PDZRN4: variants seen among roughly 807,000 people sequenced by gnomAD.
PDZRN4 encodes the protein PDZ domain-containing RING finger protein 4.
A neutral mutation model predicts 99.0 loss-of-function variants in PDZRN4; 70 were observed. That is an observed-to-expected ratio of 0.71 (90% CI 0.58 to 0.86). The LOEUF is 0.86. Ranked by LOEUF, PDZRN4 falls within the 40% of genes least tolerant of loss-of-function variation. The pLI is 0.00. For missense variants in PDZRN4, 1,474 were observed against 1,331.2 expected (o/e 1.11, Z -1.67); for synonymous variants, 551 against 501.6 (o/e 1.10, Z -1.32).
At chr12:41,515,508 T>G (rs907921726) in intron 5 of PDZRN4, among the ~76,000 whole-genome samples, 1 of 152,028 alleles carries the variant, frequency 6.6e-6, no homozygotes, top group African/African-American at 2.4e-5. Context: ...GGATGAAGTG[T>G]GAAAATTTTT....
At chr12:41,345,744 C>A (rs1379996601) in intron 3 of PDZRN4, among the ~76,000 whole-genome samples, 1 of 152,008 alleles carries the variant, frequency 6.6e-6, no homozygotes, top group Admixed American at 6.6e-5. Flanking sequence ...CCTCTTGCCC[C>A]CAATTTTTGT....
chr12:41,206,207 A>G (rs1950849588), intron 3 of PDZRN4, among the ~76,000 whole-genome samples: 1 of 152,026 alleles, frequency 6.6e-6, no homozygotes, highest in African/African-American at 2.4e-5. Flanking sequence ...ATTTACGGGT[A>G]CATTTGCAGG....
chr12:41,573,103 C>G lies in PDZRN4; in HGVS notation c.2324C>G (p.Thr775Arg), dbSNP rs200949649. Residue 775 changes from threonine (T) to arginine (R), a missense_variant, in exon 10 of 10, where the codon ACA becomes AGA. Coordinates refer to ENST00000402685, the MANE Select transcript of PDZRN4 (RefSeq NM_001164595.2). ...NLTNKKNLRSTMAATQSSSGQ... is the reference protein window; with the variant it reads ...NLTNKKNLRSRMAATQSSSGQ... ...ACCAATAAGAAAAACCTGAGAAGCA[C>G]AATGGCAGCCACCCAGTCCTCTTCC... The G allele has an allele frequency of 2.0e-5, 32 of 1,614,138 alleles. No homozygotes were observed. Among genetic ancestry groups the G allele is most frequent in the Non-Finnish European group, 1.2e-5 (14 of 1,180,008 alleles).
intron 3 of PDZRN4, among the ~76,000 whole-genome samples, chr12:41,200,613 C>A (rs75058768): frequency 3.3e-5 from 5 of 152,080 alleles, no homozygotes; most frequent in Admixed American, 2.6e-4. Context: ...CAGTGTGGTT[C>A]CCATTCTCCT....
Position 41,378,520 on chromosome 12 carries a change from A to ATTTTTTTTTTTTTTTTTTTTTTTT in PDZRN4, c.844-127917_844-127916insTTTTTTTTTTTTTTTTTTTTTTTT, listed in dbSNP as rs71081733. ...TTTGGAAGTGCTCCTTCTGTCTTCAATTTTTTTTTTTTTTTTTTTGAGACA... is the reference window on the plus strand; with the variant it reads ...TTTGGAAGTGCTCCTTCTGTCTTCAATTTTTTTTTTTTTTTTTTTTTTTTTTTTTTTTTTTTTTTTTTTGAGACA... On this transcript the variant is annotated intron_variant, in intron 3 of 9. Transcript: ENST00000402685. 3.9e-5 allele frequency among the ~76,000 whole-genome samples: 4 copies of ATTTTTTTTTTTTTTTTTTTTTTTT among 102,862 alleles called. 1 individual carries two copies. The highest frequency in any genetic ancestry group is 7.5e-5 in the African/African-American group (2 of 26,748). The allele number at this position is 102,862 out of a possible 152,430, so 67.5% of individuals were successfully genotyped here.
intron 3 of PDZRN4, among the ~76,000 whole-genome samples, chr12:41,312,460 C>G (rs901342628): frequency 2.0e-5 from 3 of 152,084 alleles, no homozygotes; most frequent in Admixed American, 6.6e-5. Context: ...GGGCGTGTGG[C>G]CTTCTGTATT....
At chr12:41,552,533 T>G in intron 5 of PDZRN4, 123 bp from the exon 6 acceptor site, 1 of 610,996 alleles carries the variant, frequency 1.6e-6, no homozygotes, top group Non-Finnish European at 2.7e-6. Context: ...AAAGTTAATT[T>G]CCAATGTTGG....
rs1318575956 is a variant in PDZRN4 at position 41,264,357 on chromosome 12, T to C, written c.843+70169T>C. Among the ~76,000 whole-genome samples, 13 of 152,312 alleles carry C rather than the reference T, an allele frequency of 8.5e-5. No individual in the cohort carries two copies. In the East Asian group the frequency reaches 2.5e-3, roughly 29 times the overall value. On this transcript the variant is annotated intron_variant, in intron 3 of 9. Transcript: ENST00000402685. ...AGCATCATACCAATAGTAGTTAGAA[T>C]TGAACTTAGTCATAGCTCTTGGAAA...
intron 6 of PDZRN4, among the ~76,000 whole-genome samples, chr12:41,553,520 G>C (rs1286037131): frequency 3.7e-5 from 4 of 107,224 alleles, no homozygotes; most frequent in Non-Finnish European, 7.3e-5. Context: ...GTTTGACTCT[G>C]TCTCTACAAA....
At chr12:41,541,155 C>T (rs989581884) in intron 5 of PDZRN4, among the ~76,000 whole-genome samples, 2 of 151,972 alleles carry the variant, frequency 1.3e-5, no homozygotes, top group Non-Finnish European at 1.5e-5. Context: ...TGGTCTTGAT[C>T]TCCTGACCTC....
intron 3 of PDZRN4, among the ~76,000 whole-genome samples, chr12:41,264,391 C>T (rs76316962): frequency 0.014 from 2,181 of 152,192 alleles, 22 homozygotes; most frequent in Middle Eastern, 0.034. Flanking sequence ...AATTTGTTAT[C>T]ACCTTTGAAA....
intron 3 of PDZRN4, among the ~76,000 whole-genome samples, chr12:41,420,903 T>A (rs1196711142): frequency 6.6e-6 from 1 of 152,146 alleles, no homozygotes; most frequent in Non-Finnish European, 1.5e-5. Context: ...CACCTCAATC[T>A]CATCATACTC....
chr12:41,498,553 A>T (rs1049177059), intron 3 of PDZRN4, among the ~76,000 whole-genome samples: 1 of 152,148 alleles, frequency 6.6e-6, no homozygotes, highest in Non-Finnish European at 1.5e-5. Flanking sequence ...ACATTGTTTT[A>T]TCAGGAACCC....
At chr12:41,209,692 C>G (rs900530441) in intron 3 of PDZRN4, among the ~76,000 whole-genome samples, 106 of 150,710 alleles carry the variant, frequency 7.0e-4, no homozygotes, top group African/African-American at 2.4e-3. Context: ...TTTTTTATGG[C>G]TGCATAGTAT....
intron 5 of PDZRN4, among the ~76,000 whole-genome samples, chr12:41,548,253 A>C (rs1938991838): frequency 6.6e-6 from 1 of 152,246 alleles, no homozygotes; most frequent in Admixed American, 6.5e-5. Context: ...GGAGATAATG[A>C]TACTGAAGCA....
intron 3 of PDZRN4, among the ~76,000 whole-genome samples, chr12:41,217,356 T>C (rs1950928047): frequency 6.6e-6 from 1 of 152,092 alleles, no homozygotes; most frequent in South Asian, 2.1e-4. Flanking sequence ...GTCACCATCT[T>C]GAAATTCTTA....
chr12:41,200,713 A>G (rs1950809443), intron 3 of PDZRN4, among the ~76,000 whole-genome samples: 1 of 152,132 alleles, frequency 6.6e-6, no homozygotes, highest in Non-Finnish European at 1.5e-5. Context: ...CTTTTAGGTA[A>G]AATTCCAAAT....
chr12:41,473,847 G>A (rs576326827), intron 3 of PDZRN4, among the ~76,000 whole-genome samples: 2 of 152,264 alleles, frequency 1.3e-5, no homozygotes, highest in South Asian at 4.1e-4. Flanking sequence ...GTGTAATAAA[G>A]TCTTTGAAAG....
At chr12:41,550,626 C>A (rs149512401) in intron 5 of PDZRN4, among the ~76,000 whole-genome samples, 159 of 152,272 alleles carry the variant, frequency 1.0e-3, no homozygotes, top group Non-Finnish European at 1.9e-3. Flanking sequence ...GTGCAGCCTA[C>A]ACTATAACCT....
Sources: allele counts gnomAD v4.1 joint callset (sites outside exome capture counted in the v4.1 genomes callset), GRCh38; gene constraint gnomAD v4.1.1; transcripts MANE v1.5; gene names NCBI Gene and HGNC (gene_info 2026-07-23, HGNC 2026-07-21).